The following RANBP2 variants were observed in gnomAD, a reference collection of about 807,000 sequenced individuals.
The protein encoded by RANBP2 is RAN binding protein 2, also known as E3 SUMO-protein ligase RanBP2.
A neutral mutation model predicts 303.6 loss-of-function variants in RANBP2; 57 were observed. That is an observed-to-expected ratio of 0.19 (90% CI 0.15 to 0.23). RANBP2 has a LOEUF of 0.23. RANBP2 is among the 10% of genes least tolerant of loss of function. The probability of loss-of-function intolerance (pLI) is 1.00; values close to 1 mark genes in which losing one functional copy is unlikely to be tolerated. For synonymous variants in RANBP2, 1,167 were observed against 1,301.5 expected, an observed-to-expected ratio of 0.90 and a Z score of 2.23; for missense variants, 3,138 against 3,780.8, an observed-to-expected ratio of 0.83 and a Z score of 4.46.
chr2:109,417,614 T>G, the RANBP2 span, among the ~76,000 whole-genome samples: 1 of 151,742 alleles, frequency 6.6e-6, no homozygotes, highest in Non-Finnish European at 1.5e-5. Flanking sequence ...AAATCAAAGG[T>G]TTTTCTCACA....
At chr2:108,941,971 C>T in the RANBP2 span, among the ~76,000 whole-genome samples, 8 of 152,228 alleles carry the variant, frequency 5.3e-5, no homozygotes, top group East Asian at 1.5e-3. Context: ...CGGTTCCCTG[C>T]TGGCTGGGGA....
At chr2:109,218,621 A>T in the RANBP2 span, among the ~76,000 whole-genome samples, 1 of 152,204 alleles carries the variant, frequency 6.6e-6, no homozygotes, top group Admixed American at 6.5e-5. Context: ...CCAAAAAGCA[A>T]CACAGAAATG....
the RANBP2 span, among the ~76,000 whole-genome samples, chr2:109,536,250 C>T: frequency 1.3e-5 from 2 of 152,170 alleles, no homozygotes; most frequent in Non-Finnish European, 2.9e-5. Flanking sequence ...CACTCAATGC[C>T]AGCCCATGAA....
chr2:109,607,143 A>C, the RANBP2 span, among the ~76,000 whole-genome samples: 1 of 152,160 alleles, frequency 6.6e-6, no homozygotes, highest in East Asian at 1.9e-4. Flanking sequence ...AAAAGCTTTC[A>C]TTCTACTTAT....
chr2:109,350,774 C>A, the RANBP2 span, among the ~76,000 whole-genome samples: 7 of 152,228 alleles, frequency 4.6e-5, no homozygotes, highest in African/African-American at 1.7e-4. Flanking sequence ...CCAAATGATT[C>A]CAGTGCTGCA....
the RANBP2 span, chr2:109,129,588 T>C: frequency 6.7e-7 from 1 of 1,484,642 alleles, no homozygotes; most frequent in South Asian, 1.3e-5. Flanking sequence ...CGGCCGCCGC[T>C]GCTGCGCAGA....
At chr2:109,062,052 G>A in the RANBP2 span, among the ~76,000 whole-genome samples, 2 of 152,184 alleles carry the variant, frequency 1.3e-5, no homozygotes, top group Non-Finnish European at 2.9e-5. Flanking sequence ...GCTTGCAGGG[G>A]AGGGAGGCAG....
the RANBP2 span, among the ~76,000 whole-genome samples, chr2:109,220,007 C>T: frequency 6.6e-6 from 1 of 152,212 alleles, no homozygotes; most frequent in African/African-American, 2.4e-5. Flanking sequence ...GGAAGACTCA[C>T]ACTTCCTGAT....
chr2:109,501,313 A>T, the RANBP2 span, among the ~76,000 whole-genome samples: 1 of 152,220 alleles, frequency 6.6e-6, no homozygotes, highest in Admixed American at 6.5e-5. Context: ...ATGCCTTTTA[A>T]ATTTTTTTTA....
At chr2:109,565,847 A>G in the RANBP2 span, 177 of 1,613,870 alleles carry the variant, frequency 1.1e-4, no homozygotes, top group Middle Eastern at 4.9e-4. Flanking sequence ...ACAACAGCAA[A>G]CGGCAACTGT....
At chr2:108,857,900 T>C in the RANBP2 span, among the ~76,000 whole-genome samples, 1 of 152,256 alleles carries the variant, frequency 6.6e-6, no homozygotes, top group African/African-American at 2.4e-5. Flanking sequence ...GGCATCTTTC[T>C]CGTTGTCAAA....
the RANBP2 span, among the ~76,000 whole-genome samples, chr2:109,297,113 C>G: frequency 6.6e-6 from 1 of 151,878 alleles, no homozygotes; most frequent in African/African-American, 2.4e-5. Context: ...CCCAATACGG[C>G]TCCACAGAGA....
chr2:109,003,702 C>A, the RANBP2 span, among the ~76,000 whole-genome samples: 2 of 152,100 alleles, frequency 1.3e-5, no homozygotes, highest in South Asian at 2.1e-4. Context: ...TGAGCCACTG[C>A]GCCCAGCCAG....
chr2:108,910,339 C>G, the RANBP2 span: 2 of 800,390 alleles, frequency 2.5e-6, no homozygotes, highest in East Asian at 5.1e-5. Flanking sequence ...TGTCTGTCGC[C>G]GAACGTCCCC....
At chr2:109,338,765 C>T in the RANBP2 span, among the ~76,000 whole-genome samples, 1 of 152,172 alleles carries the variant, frequency 6.6e-6, no homozygotes, top group Admixed American at 6.5e-5. Context: ...ACCATGTTGG[C>T]CAGGCTGGTC....
the RANBP2 span, among the ~76,000 whole-genome samples, chr2:109,184,544 G>A: frequency 2.0e-5 from 3 of 152,168 alleles, no homozygotes; most frequent in Non-Finnish European, 4.4e-5. Flanking sequence ...AGGCTGAGCT[G>A]TTGCTTAGCT....
At chr2:109,139,608 G>A in the RANBP2 span, among the ~76,000 whole-genome samples, 2 of 152,308 alleles carry the variant, frequency 1.3e-5, no homozygotes, top group Admixed American at 1.3e-4. Flanking sequence ...TGTATCTGCT[G>A]TCTCGGTTTG....
chr2:109,245,127 C>T, the RANBP2 span, among the ~76,000 whole-genome samples: 5 of 152,170 alleles, frequency 3.3e-5, no homozygotes, highest in Non-Finnish European at 5.9e-5. Flanking sequence ...AGAGCCCCTC[C>T]ACCATCTCAC....
At chr2:108,845,174 G>C in the RANBP2 span, among the ~76,000 whole-genome samples, 91 of 151,986 alleles carry the variant, frequency 6.0e-4, no homozygotes, top group African/African-American at 2.1e-3. Context: ...GTAGAGTTTT[G>C]AACATTTTTT....
Sources: gnomAD v4.1 joint callset for allele counts (sites outside exome capture counted in the v4.1 genomes callset) on GRCh38, gnomAD v4.1.1 for gene constraint, MANE v1.5 for transcripts, NCBI Gene and HGNC (gene_info 2026-07-23, HGNC 2026-07-21) for gene names.